The following TSPAN5 variants were observed in gnomAD, a reference collection of about 807,000 sequenced individuals.
TSPAN5 encodes the protein tetraspanin 5.
Under a neutral mutation model 37.1 loss-of-function variants are expected in TSPAN5, and 10 were observed. The observed-to-expected ratio is 0.27, with a 90% CI of 0.17 to 0.46. The LOEUF (loss-of-function observed/expected upper bound fraction) is 0.46, where lower values mean the gene tolerates loss of function less well. Ranked by LOEUF, TSPAN5 falls within the 20% of genes least tolerant of loss-of-function variation. The probability of loss-of-function intolerance (pLI) is 1.00; values close to 1 mark genes in which losing one functional copy is unlikely to be tolerated. For synonymous variants in TSPAN5, 110 were observed against 118.9 expected (o/e 0.93, Z 0.48); for missense variants, 195 against 326.6 (o/e 0.60, Z 3.11).
chr4:98,490,363 G>A (rs1753059742), intron 2 of TSPAN5, among the ~76,000 whole-genome samples: 2 of 152,184 alleles, frequency 1.3e-5, no homozygotes, highest in Admixed American at 6.5e-5. Flanking sequence ...TGCACTCTCT[G>A]GGTTTAATTT....
intron 2 of TSPAN5, among the ~76,000 whole-genome samples, chr4:98,506,477 T>C (rs1753479410): frequency 6.6e-6 from 1 of 152,256 alleles, no homozygotes; most frequent in African/African-American, 2.4e-5. Flanking sequence ...ATTTTGTAAA[T>C]AAATACAGGA....
intron 7 of TSPAN5, among the ~76,000 whole-genome samples, chr4:98,475,508 G>A (rs951964272): frequency 7.2e-5 from 11 of 152,112 alleles, no homozygotes; most frequent in East Asian, 3.9e-4. Context: ...AAACCTTAAC[G>A]TCACCACTGA....
In TSPAN5 at chr4:98,643,262, G is replaced by C. The variant is rs546690491; in HGVS notation, c.81+14884C>G. The stretch of plus-strand genomic sequence containing the variant: ...ACATGCTATACAAGTTTGTGGTCCA[G>C]GAGCAACAGGTTATGCCATACAGCC... On this transcript the variant is annotated intron_variant, in intron 1 of 7. Coordinates refer to ENST00000305798, the MANE Select transcript of TSPAN5 (RefSeq NM_005723.4). 3.0e-4 allele frequency among the ~76,000 whole-genome samples: 46 copies of C among 152,130 alleles called. 1 individual carries two copies. The highest frequency in any genetic ancestry group is 6.0e-4 in the Non-Finnish European group (41 of 68,030).
intron 1 of TSPAN5, among the ~76,000 whole-genome samples, chr4:98,546,516 T>C (rs1052156420): frequency 1.3e-4 from 20 of 152,342 alleles, no homozygotes; most frequent in African/African-American, 4.8e-4. Flanking sequence ...AGGGCAAATA[T>C]TGCCTTGTGA....
rs1230273262 is a variant in TSPAN5, at chr4:98,595,647, G to A, written c.81+62499C>T. On this transcript the variant is annotated intron_variant, in intron 1 of 7. Transcript: ENST00000305798. The stretch of plus-strand genomic sequence containing the variant: ...TCTGGTATGTGGTGTCTTTGCTCTC[G>A]TTGGTTTCGAAGAACATCTTTATTT... 2.2e-4 allele frequency among the ~76,000 whole-genome samples: 29 copies of A among 134,454 alleles called. 4 individuals carry two copies. The highest frequency in any genetic ancestry group is 6.0e-4 in the African/African-American group (18 of 30,206). 88.2% of individuals were successfully genotyped at this position (134,454 alleles called of 152,430 possible). A position where few individuals can be genotyped will look rare whatever the true frequency, so the allele number is the denominator to read the frequency against.
In TSPAN5 at chr4:98,472,333, A is replaced by AT. The variant is rs1219976164; in HGVS notation, c.*188dup. 6,149 of 397,290 alleles carry AT rather than the reference A, an allele frequency of 0.015. 6 individuals are homozygous for AT. The highest frequency in any genetic ancestry group is 0.022 in the Middle Eastern group (33 of 1,468). 24.6% of individuals were successfully genotyped at this position (397,290 alleles called of 1,614,324 possible). A position where few individuals can be genotyped will look rare whatever the true frequency, so the allele number is the denominator to read the frequency against. On this transcript the variant is annotated 3_prime_UTR_variant, in exon 8 of 8. Coordinates refer to ENST00000305798, the MANE Select transcript of TSPAN5 (RefSeq NM_005723.4). ...CGGCGCAACGACTTTCATACTGGTT[A>AT]TTTTTTTTTTTAATTCTGTCAGTGA...
intron 1 of TSPAN5, among the ~76,000 whole-genome samples, chr4:98,508,213 T>C (rs1413458953): frequency 4.6e-5 from 7 of 152,172 alleles, no homozygotes; most frequent in African/African-American, 1.7e-4. Context: ...CTTCCAAAGG[T>C]AACAAGAATC....
chr4:98,619,444 T>G lies in TSPAN5; in HGVS notation c.81+38702A>C, dbSNP rs561213987. Among the ~76,000 whole-genome samples, 5 of 152,306 alleles carry G rather than the reference T, an allele frequency of 3.3e-5. No homozygotes were observed. The East Asian group carries it at 9.7e-4, about 29-fold the overall frequency. ...CATGCTTGGATCAGCTGCACAAGCT[T>G]GTGATGTTTATGATATAAGCAAATG... is the stretch of plus-strand genomic sequence containing the variant. On this transcript the variant is annotated intron_variant, in intron 1 of 7. Transcript: ENST00000305798.
chr4:98,537,434 T>C (rs1314047504), intron 1 of TSPAN5, among the ~76,000 whole-genome samples: 2 of 152,226 alleles, frequency 1.3e-5, no homozygotes, highest in Non-Finnish European at 2.9e-5. Context: ...CTGTTCCTAT[T>C]CGGCCATCTT....
chr4:98,616,042 G>C (rs531987866), intron 1 of TSPAN5, among the ~76,000 whole-genome samples: 4 of 152,024 alleles, frequency 2.6e-5, no homozygotes, highest in Non-Finnish European at 5.9e-5. Context: ...ATTTCCCAGG[G>C]CTCTGCAGAA....
intron 1 of TSPAN5, among the ~76,000 whole-genome samples, chr4:98,554,204 C>A (rs1024736386): frequency 2.6e-5 from 4 of 152,170 alleles, no homozygotes; most frequent in Non-Finnish European, 5.9e-5. Flanking sequence ...TATACTTCAA[C>A]AATAACATTT....
intron 1 of TSPAN5, among the ~76,000 whole-genome samples, chr4:98,533,726 AT>A (rs1342188323): frequency 6.8e-6 from 1 of 146,822 alleles, no homozygotes; most frequent in Non-Finnish European, 1.5e-5. Flanking sequence ...AATTTTTTGT[AT>A]TTTTAGTAGA....
rs919469418 is a variant in TSPAN5, at chr4:98,476,245, A to G, written c.685T>C (p.Leu229=). ...GCAACGATGGTTAAATTGTCCTGCAACCACTTCTCAAACTGGGGCACACAG... is the reference window on the plus strand; with the variant it reads ...GCAACGATGGTTAAATTGTCCTGCAGCCACTTCTCAAACTGGGGCACACAG... ...KGCVPQFEKW[L]QDNLTIVAGI... The change falls in exon 7 of 8, where the codon TTG becomes CTG. Residue 229 remains leucine (L), a synonymous_variant. Coordinates refer to ENST00000305798, the MANE Select transcript of TSPAN5 (RefSeq NM_005723.4). The G allele has an allele frequency of 3.1e-6, 5 of 1,614,240 alleles. No individual in the cohort carries two copies. Among genetic ancestry groups the G allele is most frequent in the Admixed American group, 1.7e-5 (1 of 60,022 alleles).
intron 1 of TSPAN5, among the ~76,000 whole-genome samples, chr4:98,560,484 C>G (rs1578993115): frequency 6.6e-6 from 1 of 152,126 alleles, no homozygotes; most frequent in Non-Finnish European, 1.5e-5. Flanking sequence ...ATTGAAGAGA[C>G]TAATATCTTC....
At chr4:98,646,075 C>T (rs1919208) in intron 1 of TSPAN5, among the ~76,000 whole-genome samples, 150,526 of 151,950 alleles carry the variant, frequency 0.99, 74,568 homozygotes, top group East Asian at 1. Flanking sequence ...TGACAGCCCA[C>T]GTCTCCTGTG....
At chr4:98,477,290 T>G (rs959698635) in intron 5 of TSPAN5, among the ~76,000 whole-genome samples, 3 of 152,228 alleles carry the variant, frequency 2.0e-5, no homozygotes, top group African/African-American at 7.2e-5. Flanking sequence ...AGAGGAGGTT[T>G]GAGCTGGTGG....
chr4:98,547,710 A>G (rs182934878), intron 1 of TSPAN5, among the ~76,000 whole-genome samples: 182 of 152,254 alleles, frequency 1.2e-3, no homozygotes, highest in Non-Finnish European at 2.1e-3. Flanking sequence ...CTTACTCAGG[A>G]AAAATGCACA....
chr4:98,639,554 T>C (rs1375891926), intron 1 of TSPAN5, among the ~76,000 whole-genome samples: 1 of 150,028 alleles, frequency 6.7e-6, no homozygotes, highest in African/African-American at 2.5e-5. Flanking sequence ...ACTCCTGGCC[T>C]AAAGCAATCC....
intron 1 of TSPAN5, among the ~76,000 whole-genome samples, chr4:98,618,814 C>T (rs1353931815): frequency 1.3e-5 from 2 of 152,094 alleles, no homozygotes; most frequent in African/African-American, 4.8e-5. Context: ...AACTGACTGC[C>T]CTGAAAATTT....
Sources: allele counts gnomAD v4.1 joint callset (sites outside exome capture counted in the v4.1 genomes callset), GRCh38; gene constraint gnomAD v4.1.1; transcripts MANE v1.5; gene names NCBI Gene and HGNC (gene_info 2026-07-23, HGNC 2026-07-21).